HERC1: variants seen among roughly 807,000 people sequenced by gnomAD.
The protein encoded by HERC1 is HECT and RLD domain containing E3 ubiquitin protein ligase family member 1.
In HERC1, 160 loss-of-function variants were observed where a neutral mutation model predicts 554.3. That is an observed-to-expected ratio of 0.29 (90% CI 0.25 to 0.33). The LOEUF is 0.33. HERC1 is among the 10% of genes least tolerant of loss of function. The pLI, the probability that HERC1 is intolerant of heterozygous loss-of-function variation, is 1.00. For synonymous variants in HERC1, 2,175 were observed against 2,131.7 expected, an observed-to-expected ratio of 1.02 and a Z score of -0.56; for missense variants, 4,919 against 5,918.5, an observed-to-expected ratio of 0.83 and a Z score of 5.54.
chr15:63,768,389 T>C (rs953352467), intron 2 of HERC1, among the ~76,000 whole-genome samples: 10 of 152,238 alleles, frequency 6.6e-5, no homozygotes, highest in South Asian at 2.1e-4. Flanking sequence ...CTTTGAGTAG[T>C]AAGGCTTCAG....
At chr15:63,666,274 T>C (rs971430251) in intron 41 of HERC1, 82 bp downstream of exon 41, 15 of 1,377,606 alleles carry the variant, frequency 1.1e-5, no homozygotes, top group Admixed American at 1.0e-4. Context: ...CCAAGTTTCA[T>C]AGCCTCTTAA....
chr15:63,656,189 T>C lies in HERC1; in HGVS notation c.9769A>G (p.Asn3257Asp). The change falls in exon 49 of 78, where the codon AAC (asparagine) becomes GAC (aspartate). Residue 3257 changes from asparagine (N) to aspartate (D), a missense_variant. This residue lies in a region of HERC1 where 1,963 missense variants were observed against 2,228.6 expected (regional missense o/e 0.88). Coordinates refer to ENST00000443617, the MANE Select transcript of HERC1 (RefSeq NM_003922.4). ...TAGGCCAGGCAAGAGATAGGCTTGTTAGCCTTGCTATGCCCACCTCGTGAT... is the reference window on the plus strand; with the variant it reads ...TAGGCCAGGCAAGAGATAGGCTTGTCAGCCTTGCTATGCCCACCTCGTGAT... ...ERSRGGHSKA[N>D]KPISCLAYLS... 1 of 1,612,856 alleles carries C rather than the reference T, an allele frequency of 6.2e-7. No homozygotes were observed. The highest frequency in any genetic ancestry group is 8.5e-7 in the Non-Finnish European group (1 of 1,179,406).
At chr15:63,731,793 G>A (rs138677296) in intron 14 of HERC1, among the ~76,000 whole-genome samples, 2 of 152,308 alleles carry the variant, frequency 1.3e-5, no homozygotes, top group East Asian at 3.9e-4. Flanking sequence ...GATCCTGTAA[G>A]TGCTGATGAG....
At position 63,756,355 on chromosome 15, in the gene HERC1, A is replaced by C; in HGVS notation, c.1533+82T>G. On this transcript the variant is annotated intron_variant, in intron 5 of 77. Coordinates refer to ENST00000443617, the MANE Select transcript of HERC1 (RefSeq NM_003922.4). The surrounding 1 kb of genome is among the most constrained non-coding windows in gnomAD (Gnocchi z 5.0). Reference sequence around the variant, plus strand: ...GGGTTGAAGGGGCAACTGCAGAAAGAACACATCAAAATCTGAACGACATTG... The same window carrying C: ...GGGTTGAAGGGGCAACTGCAGAAAGCACACATCAAAATCTGAACGACATTG... The C allele has an allele frequency of 8.4e-7, 1 of 1,189,228 alleles. No individual in the cohort carries two copies. The allele number at this position is 1,189,228 out of a possible 1,614,324, so 73.7% of individuals were successfully genotyped here. A position where few individuals can be genotyped will look rare whatever the true frequency, so the allele number is the denominator to read the frequency against.
intron 7 of HERC1, among the ~76,000 whole-genome samples, chr15:63,753,739 GTGT>G (rs1263956427): frequency 6.6e-6 from 1 of 152,132 alleles, no homozygotes; most frequent in African/African-American, 2.4e-5. Flanking sequence ...GTCATTCATT[GTGT>G]TGTTAATACT....
chr15:63,800,511 C>T (rs2144737420), intron 1 of HERC1, among the ~76,000 whole-genome samples: 1 of 152,206 alleles, frequency 6.6e-6, no homozygotes, highest in Middle Eastern at 3.4e-3. Flanking sequence ...AGTACAGTAC[C>T]AGAGATATTA....
chr15:63,678,142 C>CT lies in HERC1; in HGVS notation c.6772dup (p.Ser2258LysfsTer11). ...TTCCTCTCGGCTCTGAACCGAGCGG[C>CT]TTTTCTTTAGCTTCTGACCTGACTC... On this transcript the variant is annotated frameshift_variant, in exon 37 of 78. Coordinates refer to ENST00000443617, the MANE Select transcript of HERC1 (RefSeq NM_003922.4). LOFTEE classifies it high-confidence loss of function. The CT allele has an allele frequency of 6.2e-7, 1 of 1,613,978 alleles. No homozygotes were observed. Among genetic ancestry groups the CT allele is most frequent in the Non-Finnish European group, 8.5e-7 (1 of 1,179,882 alleles).
chr15:63,621,121 G>T (rs914226171), intron 74 of HERC1, among the ~76,000 whole-genome samples: 1 of 152,262 alleles, frequency 6.6e-6, no homozygotes, highest in East Asian at 1.9e-4. Context: ...TGTTTTTGCA[G>T]TGGCTGGTAC....
At position 63,718,538 on chromosome 15, in the gene HERC1, A is replaced by G; in HGVS notation, c.3978+36T>C. ...TTTAGAGCTAGCTCTCACAGCTTGC[A>G]GAAAAACATAGAAATTAATTGATTT... On this transcript the variant is annotated intron_variant, in intron 21 of 77. Coordinates refer to ENST00000443617, the MANE Select transcript of HERC1 (RefSeq NM_003922.4). The surrounding 1 kb of genome is among the most constrained non-coding windows in gnomAD (Gnocchi z 4.2). 1 of 1,520,608 alleles carries G rather than the reference A, an allele frequency of 6.6e-7. No individual in the cohort carries two copies. The highest frequency in any genetic ancestry group is 1.2e-5 in the South Asian group (1 of 80,042). 94.2% of individuals were successfully genotyped at this position (1,520,608 alleles called of 1,614,324 possible). A position where few individuals can be genotyped will look rare whatever the true frequency, so the allele number is the denominator to read the frequency against.
In HERC1 at chr15:63,775,380, G is replaced by C; in HGVS notation, c.244C>G (p.Leu82Val). The C allele has an allele frequency of 6.2e-7, 1 of 1,613,942 alleles. No homozygotes were observed. Among genetic ancestry groups the C allele is most frequent in the Non-Finnish European group, 8.5e-7 (1 of 1,179,824 alleles). Residue 82 changes from leucine (L) to valine (V), a missense_variant, in exon 2 of 78, where the codon CTT becomes GTT. Transcript: ENST00000443617. This position sits in a 1 kb window ranked among gnomAD's most constrained non-coding sequence, Gnocchi z 4.0. Reference protein sequence around the residue: ...SDEQDHYLDALLSSQLALAKM... With the variant: ...SDEQDHYLDAVLSSQLALAKM... ...GCCAATGCTAGCTGGCTGCTAAGAA[G>C]GGCATCCAAATAGTGGTCCTGCTCA...
intron 24 of HERC1, among the ~76,000 whole-genome samples, chr15:63,709,458 G>A (rs1006410366): frequency 6.6e-6 from 1 of 151,994 alleles, no homozygotes; most frequent in African/African-American, 2.4e-5. Context: ...TAATTTTCCA[G>A]ATATTTTAAA....
At chr15:63,640,466 A>G (rs2068986980) in intron 60 of HERC1, 21 bp from the exon 61 acceptor site, 1 of 1,588,398 alleles carries the variant, frequency 6.3e-7, no homozygotes, top group East Asian at 2.2e-5. Flanking sequence ...ATACAAGGAT[A>G]TAATATGTCA....
intron 74 of HERC1, among the ~76,000 whole-genome samples, chr15:63,620,816 C>T (rs1006638280): frequency 8.6e-5 from 13 of 152,000 alleles, no homozygotes; most frequent in African/African-American, 3.1e-4. Context: ...GGATTGCAAC[C>T]CCTGCCTTTT....
chr15:63,623,951 T>C, intron 72 of HERC1, 61 bp from the exon 73 acceptor site: 5 of 1,550,412 alleles, frequency 3.2e-6, no homozygotes, highest in Non-Finnish European at 4.4e-6. Context: ...CAAAATCACA[T>C]GATATCTTCC....
intron 16 of HERC1, among the ~76,000 whole-genome samples, chr15:63,728,723 G>T (rs1276131295): frequency 6.6e-6 from 1 of 152,024 alleles, no homozygotes; most frequent in African/African-American, 2.4e-5. Context: ...ACCATTGGGG[G>T]AGCAAAGAGG....
chr15:63,719,035 T>A, intron 19 of HERC1, 138 bp from the exon 20 acceptor site: 1 of 608,828 alleles, frequency 1.6e-6, no homozygotes, highest in Admixed American at 3.1e-5. Context: ...CCTCATTAGA[T>A]CCCACTTACT....
chr15:63,810,442 T>C (rs1325022102), intron 1 of HERC1, among the ~76,000 whole-genome samples: 5 of 152,122 alleles, frequency 3.3e-5, no homozygotes, highest in Admixed American at 1.3e-4. Context: ...AGAGGGGCTA[T>C]ATATATGAAT....
In HERC1 at chr15:63,775,074, G is replaced by T; in HGVS notation, c.550C>A (p.Pro184Thr). Residue 184 changes from proline to threonine, a missense_variant, in exon 2 of 78, where the codon CCT becomes ACT. Coordinates refer to ENST00000443617, the MANE Select transcript of HERC1 (RefSeq NM_003922.4). This position sits in a 1 kb window ranked among gnomAD's most constrained non-coding sequence, Gnocchi z 4.0. The part of the protein sequence containing the change: ...RQSWMMPVSG[P>T]GLSLCNDVIH... Reference sequence around the variant, plus strand: ...ACATCGTTGCAAAGACTGAGACCAGGTCCTGACACAGGCATCATCCAACTT... The same window carrying T: ...ACATCGTTGCAAAGACTGAGACCAGTTCCTGACACAGGCATCATCCAACTT... The T allele has an allele frequency of 2.5e-6, 4 of 1,614,026 alleles. No individual in the cohort carries two copies. The highest frequency in any genetic ancestry group is 3.4e-6 in the Non-Finnish European group (4 of 1,179,894).
intron 10 of HERC1, among the ~76,000 whole-genome samples, chr15:63,748,086 C>A (rs1410368853): frequency 2.0e-5 from 3 of 151,892 alleles, no homozygotes; most frequent in Non-Finnish European, 4.4e-5. Context: ...ATTAGTCGGG[C>A]ATGGTGGTAT....
Sources: allele counts gnomAD v4.1 joint callset (sites outside exome capture counted in the v4.1 genomes callset), GRCh38; gene constraint gnomAD v4.1.1; regional missense constraint gnomAD v4.1.1; non-coding constraint Gnocchi (gnomAD v3.1); transcripts MANE v1.5; gene names NCBI Gene and HGNC (gene_info 2026-07-23, HGNC 2026-07-21).